FANCD2: variants seen among roughly 807,000 people sequenced by gnomAD.
The protein encoded by FANCD2 is Fanconi anemia group D2 protein.
In FANCD2, 131 loss-of-function variants were observed where a neutral mutation model predicts 192.3. That is an observed-to-expected ratio of 0.68 (90% CI 0.59 to 0.79). The LOEUF is 0.79. Among genes scored for constraint, FANCD2 ranks in the 30% least tolerant of loss-of-function variants. FANCD2 has a pLI of 0.00. For synonymous variants in FANCD2, 524 were observed against 612.5 expected, an observed-to-expected ratio of 0.86 and a Z score of 2.13; for missense variants, 1,508 against 1,701.6, an observed-to-expected ratio of 0.89 and a Z score of 2.00.
At chr3:10,041,327 T>C in intron 9 of FANCD2, 2 of 326,586 alleles carry the variant, frequency 6.1e-6, no homozygotes, top group Non-Finnish European at 1.2e-5. Flanking sequence ...TGGGTTTTCT[T>C]TTTCCTTTTT....
At chr3:10,054,854 A>AC (rs1491582491) in intron 18 of FANCD2, among the ~76,000 whole-genome samples, 2 of 147,548 alleles carry the variant, frequency 1.4e-5, no homozygotes, top group African/African-American at 5.0e-5. Context: ...TTTTTTAATT[A>AC]AAAAAAAAAC....
At chr3:10,065,145 C>T (rs186601429) in intron 23 of FANCD2, among the ~76,000 whole-genome samples, 72 of 152,152 alleles carry the variant, frequency 4.7e-4, no homozygotes, top group Non-Finnish European at 7.6e-4. Flanking sequence ...AAAAATTAGC[C>T]GGGCAGTGTG....
At position 10,101,245 on chromosome 3, in the gene FANCD2, TATG is replaced by T. The variant is rs1408727702; in HGVS notation, c.4344_4346del (p.Asp1449del). ...AAAGGAGCAAGATAGTGATGAGAGT[TATG>T]ATGACTCTGATTAGACCCCAGATAA... On this transcript the variant is annotated inframe_deletion, in exon 44 of 44. Transcript: ENST00000675286. The T allele has an allele frequency of 2.5e-6, 4 of 1,610,620 alleles. No individual in the cohort carries two copies. In the South Asian group the frequency reaches 4.4e-5, roughly 18 times the overall value.
At chr3:10,093,547 C>T (rs1175425784) in intron 39 of FANCD2, among the ~76,000 whole-genome samples, 1 of 152,178 alleles carries the variant, frequency 6.6e-6, no homozygotes, top group Non-Finnish European at 1.5e-5. Context: ...AATCTTAGTA[C>T]TAGGAGGAAT....
intron 18 of FANCD2, among the ~76,000 whole-genome samples, chr3:10,054,353 G>GTATA (rs1238756623): frequency 2.9e-5 from 3 of 103,216 alleles, no homozygotes; most frequent in East Asian, 2.5e-4. Context: ...ATATATATAC[G>GTATA]TATATATATA....
At chr3:10,041,735 A>G (rs2086868688) in intron 10 of FANCD2, 25 bp downstream of exon 10, 1 of 1,558,294 alleles carries the variant, frequency 6.4e-7, no homozygotes. Context: ...GCTTTCCAGA[A>G]ACAGAGCCAG....
intron 2 of FANCD2, among the ~76,000 whole-genome samples, chr3:10,030,025 G>GATCC (rs1445923772): frequency 6.6e-6 from 1 of 151,722 alleles, no homozygotes; most frequent in East Asian, 1.9e-4. Context: ...GACCTCAAGT[G>GATCC]ATCCATCCAT....
chr3:10,090,150 T>G (rs1323040673), intron 36 of FANCD2, 142 bp from the exon 37 acceptor site: 3 of 666,042 alleles, frequency 4.5e-6, no homozygotes, highest in Non-Finnish European at 8.3e-6. Flanking sequence ...TCCTTTCCGC[T>G]CCCCCATCCT....
chr3:10,096,823 C>A (rs1575871210), intron 42 of FANCD2, among the ~76,000 whole-genome samples: 1 of 152,274 alleles, frequency 6.6e-6, no homozygotes, highest in African/African-American at 2.4e-5. Flanking sequence ...ACAAACATTT[C>A]TTTTGTTATT....
Position 10,065,006 on chromosome 3 carries a change from G to C in FANCD2, c.2168+131G>C. ...AAATGGTATTTGGAGAGGTTAGGGA[G>C]AATGGGGCAGATTCCTTGTTTTTTC... is the stretch of plus-strand genomic sequence containing the variant. On this transcript the variant is annotated intron_variant, in intron 23 of 43. Transcript: ENST00000675286. 5.4e-6 allele frequency: 5 copies of C among 927,054 alleles called. No homozygotes were observed. In the South Asian group the frequency reaches 7.2e-5, roughly 13 times the overall value. 57.4% of individuals were successfully genotyped at this position (927,054 alleles called of 1,614,324 possible). A position where few individuals can be genotyped will look rare whatever the true frequency, so the allele number is the denominator to read the frequency against.
intron 17 of FANCD2, among the ~76,000 whole-genome samples, chr3:10,051,351 A>G (rs577135060): frequency 8.5e-5 from 11 of 129,028 alleles, no homozygotes; most frequent in African/African-American, 2.8e-4. Flanking sequence ...ACTGCACTCC[A>G]GCCTGGGCGA....
At chr3:10,035,072 C>A in intron 5 of FANCD2, 101 bp from the exon 6 acceptor site, 1 of 979,874 alleles carries the variant, frequency 1.0e-6, no homozygotes, top group Non-Finnish European at 1.6e-6. Flanking sequence ...GGTAGTTCCT[C>A]TTTAAATATT....
chr3:10,033,562 T>C (rs1281285045), intron 3 of FANCD2, among the ~76,000 whole-genome samples: 1 of 152,094 alleles, frequency 6.6e-6, no homozygotes, highest in East Asian at 1.9e-4. Flanking sequence ...GCTGTATCAG[T>C]GTCAGAATAA....
At chr3:10,055,819 A>T (rs538204189) in intron 18 of FANCD2, among the ~76,000 whole-genome samples, 33 of 151,954 alleles carry the variant, frequency 2.2e-4, no homozygotes, top group South Asian at 8.3e-4. Flanking sequence ...CTCAAAAAAA[A>T]AATAATAATA....
At position 10,069,048 on chromosome 3, in the gene FANCD2, C is replaced by A. The variant is rs187963558; in HGVS notation, c.2494+1731C>A. On this transcript the variant is annotated intron_variant, in intron 26 of 43. Coordinates refer to ENST00000675286, the MANE Select transcript of FANCD2 (RefSeq NM_001018115.3). ...ATTATGAAACTACTAACAACAACAA[C>A]AAAAAACATTCAGAAAACTCTTCAG... 4.1e-3 allele frequency among the ~76,000 whole-genome samples: 623 copies of A among 152,132 alleles called. 11 individuals carry two copies. Among genetic ancestry groups the A allele is most frequent in the South Asian group, 0.034 (162 of 4,814 alleles).
intron 29 of FANCD2, among the ~76,000 whole-genome samples, chr3:10,075,336 A>G (rs1237739207): frequency 6.6e-6 from 1 of 152,116 alleles, no homozygotes; most frequent in Non-Finnish European, 1.5e-5. Flanking sequence ...GGCATCCGCC[A>G]TCACACCCGG....
chr3:10,043,130 G>C lies in FANCD2; in HGVS notation c.969G>C (p.Leu323Phe), dbSNP rs2086906214. 6.2e-7 allele frequency: 1 copy of C among 1,613,940 alleles called. No homozygotes were observed. The highest frequency in any genetic ancestry group is 1.3e-5 in the African/African-American group (1 of 74,890). ...PSRLQASQVK[L>F]KSKGRASSSG... Reference sequence around the variant, plus strand: ...GGTTACAGGCTTCCCAAGTAAAGTTGAAAAGTAAAGGACGAGCAAGGTAAA... The same window carrying C: ...GGTTACAGGCTTCCCAAGTAAAGTTCAAAAGTAAAGGACGAGCAAGGTAAA... The change falls in exon 12 of 44, where the codon TTG (leucine) becomes TTC (phenylalanine). Residue 323 changes from leucine to phenylalanine, a missense_variant. Physicochemically the swap from Leu to Phe is conservative, Grantham distance 22 (BLOSUM62 0). Coordinates refer to ENST00000675286, the MANE Select transcript of FANCD2 (RefSeq NM_001018115.3).
At chr3:10,094,772 T>G (rs1347790863) in intron 40 of FANCD2, 1 of 313,618 alleles carries the variant, frequency 3.2e-6, no homozygotes, top group Non-Finnish European at 6.1e-6. Context: ...CTTGACAGTT[T>G]TTTAGCCAAT....
At chr3:10,031,343 A>T (rs1559368723) in intron 2 of FANCD2, among the ~76,000 whole-genome samples, 1 of 152,050 alleles carries the variant, frequency 6.6e-6, no homozygotes, top group Admixed American at 6.6e-5. Flanking sequence ...CTCTACTAAA[A>T]ATACAAAAAA....
Sources: gnomAD v4.1 joint callset for allele counts (sites outside exome capture counted in the v4.1 genomes callset) on GRCh38, gnomAD v4.1.1 for gene constraint, MANE v1.5 for transcripts, NCBI Gene and HGNC (gene_info 2026-07-23, HGNC 2026-07-21) for gene names.